THSD7B: variants seen among roughly 807,000 people sequenced by gnomAD.
THSD7B encodes the protein thrombospondin type-1 domain-containing protein 7B.
THSD7B carries 138 observed loss-of-function variants against 213.6 expected under a neutral mutation model. The observed-to-expected ratio is 0.65, with a 90% confidence interval of 0.56 to 0.74. THSD7B has a LOEUF of 0.74. Ranked by LOEUF, THSD7B falls within the 30% of genes least tolerant of loss-of-function variation. The pLI is 0.00. For synonymous variants in THSD7B, 742 were observed against 687.0 expected (o/e 1.08, Z -1.25); for missense variants, 1,931 against 1,991.5 (o/e 0.97, Z 0.58).
At chr2:137,149,724 C>T (rs967155975) in intron 5 of THSD7B, among the ~76,000 whole-genome samples, 1 of 152,092 alleles carries the variant, frequency 6.6e-6, no homozygotes, top group Non-Finnish European at 1.5e-5. Context: ...GCCTGTAGCC[C>T]CTTCATTTTG....
chr2:137,140,469 A>C (rs1679558607), intron 5 of THSD7B, among the ~76,000 whole-genome samples: 1 of 152,160 alleles, frequency 6.6e-6, no homozygotes. Flanking sequence ...GGATTTGTGC[A>C]TTCTAAATTT....
intron 2 of THSD7B, among the ~76,000 whole-genome samples, chr2:136,930,574 T>C (rs961034991): frequency 3.3e-5 from 5 of 152,300 alleles, no homozygotes; most frequent in South Asian, 2.1e-4. Context: ...CTGAAAGTGG[T>C]ACCCAGCTAG....
At position 137,130,376 on chromosome 2, in the gene THSD7B, T is replaced by A. The variant is rs371770380; in HGVS notation, c.1369+15083T>A. Among the ~76,000 whole-genome samples, 109 of 151,916 alleles carry A rather than the reference T, an allele frequency of 7.2e-4. 1 individual carries two copies. Among genetic ancestry groups the A allele is most frequent in the African/African-American group, 1.9e-3 (80 of 41,466 alleles). On this transcript the variant is annotated intron_variant, in intron 5 of 27. Transcript: ENST00000409968. ...CCTTACTTTTCCCAAGCCTCACCTT[T>A]TTATTATTATTATTATTATACTTTA...
chr2:137,397,659 CGAGGAG>C (rs1686228008), intron 12 of THSD7B, among the ~76,000 whole-genome samples: 3 of 151,314 alleles, frequency 2.0e-5, no homozygotes, highest in African/African-American at 7.3e-5. Flanking sequence ...TTGCTCTTCT[CGAGGAG>C]TATCTTTGTG....
chr2:137,020,952 C>G (rs1686433304), intron 2 of THSD7B, among the ~76,000 whole-genome samples: 1 of 152,140 alleles, frequency 6.6e-6, no homozygotes, highest in Non-Finnish European at 1.5e-5. Flanking sequence ...ATCCAGGAGA[C>G]AGCATCATGT....
intron 12 of THSD7B, among the ~76,000 whole-genome samples, chr2:137,380,496 C>A (rs769085812): frequency 6.6e-6 from 1 of 152,110 alleles, no homozygotes. Context: ...AACAATTGAA[C>A]TGCAATAGTT....
chr2:136,825,241 A>G (rs1026154811), intron 1 of THSD7B, among the ~76,000 whole-genome samples: 1 of 152,192 alleles, frequency 6.6e-6, no homozygotes, highest in African/African-American at 2.4e-5. Context: ...ACAAATTACC[A>G]CACATTTAAT....
intron 1 of THSD7B, among the ~76,000 whole-genome samples, chr2:136,780,461 G>T (rs1241422847): frequency 6.6e-6 from 1 of 152,172 alleles, no homozygotes. Flanking sequence ...TAATAGCTCT[G>T]TGTGCGTGTG....
At chr2:136,890,182 C>T (rs1683790212) in intron 2 of THSD7B, among the ~76,000 whole-genome samples, 1 of 151,790 alleles carries the variant, frequency 6.6e-6, no homozygotes, top group Non-Finnish European at 1.5e-5. Flanking sequence ...TTTTTTTATC[C>T]ATGAAGTCTG....
intron 2 of THSD7B, among the ~76,000 whole-genome samples, chr2:136,960,378 A>G (rs930166733): frequency 2.6e-5 from 4 of 152,062 alleles, no homozygotes; most frequent in East Asian, 1.9e-4. Flanking sequence ...GGCTTAAGCA[A>G]TCTTCCCACC....
At chr2:137,315,090 G>A (rs1322810593) in intron 12 of THSD7B, among the ~76,000 whole-genome samples, 1 of 152,306 alleles carries the variant, frequency 6.6e-6, no homozygotes, top group East Asian at 1.9e-4. Flanking sequence ...GCAATGGCGG[G>A]CGCCCCTCCC....
chr2:137,239,425 C>T (rs1434909237), intron 9 of THSD7B, among the ~76,000 whole-genome samples: 2 of 152,154 alleles, frequency 1.3e-5, no homozygotes, highest in Non-Finnish European at 1.5e-5. Flanking sequence ...CACCCACTTC[C>T]GTCCTCCTTC....
intron 5 of THSD7B, among the ~76,000 whole-genome samples, chr2:137,122,162 T>A (rs369296644): frequency 6.6e-6 from 1 of 152,208 alleles, no homozygotes; most frequent in East Asian, 1.9e-4. Context: ...TAGTTAAATA[T>A]ATCCCTCTGT....
intron 1 of THSD7B, among the ~76,000 whole-genome samples, chr2:136,874,358 C>T (rs954645353): frequency 5.3e-5 from 8 of 152,102 alleles, no homozygotes; most frequent in Non-Finnish European, 1.0e-4. Context: ...TATACAGCAA[C>T]GTATGGTAAA....
chr2:137,265,073 C>G (rs1573920681), intron 10 of THSD7B, among the ~76,000 whole-genome samples: 1 of 151,994 alleles, frequency 6.6e-6, no homozygotes. Flanking sequence ...TGAGAATATG[C>G]AGTGTTTGGT....
intron 19 of THSD7B, 142 bp from the exon 20 acceptor site, chr2:137,620,467 T>C: frequency 1.7e-6 from 1 of 593,372 alleles, no homozygotes; most frequent in Non-Finnish European, 2.9e-6. Context: ...GTCACCAATT[T>C]ATATAAGAAA....
At chr2:137,627,342 AAC>A (rs1204341209) in intron 20 of THSD7B, among the ~76,000 whole-genome samples, 1 of 152,198 alleles carries the variant, frequency 6.6e-6, no homozygotes, top group Admixed American at 6.5e-5. Context: ...GGTGGGCACA[AAC>A]CACATCCAAA....
intron 4 of THSD7B, among the ~76,000 whole-genome samples, chr2:137,096,837 T>C (rs1688048828): frequency 6.6e-6 from 1 of 152,184 alleles, no homozygotes; most frequent in African/African-American, 2.4e-5. Context: ...ATACTGCCTG[T>C]GTGGCAGGCT....
intron 5 of THSD7B, among the ~76,000 whole-genome samples, chr2:137,139,691 C>A (rs1009250563): frequency 1.1e-4 from 17 of 152,094 alleles, no homozygotes; most frequent in Non-Finnish European, 8.8e-5. Flanking sequence ...TCCAGACTGC[C>A]TTTTGATTGA....
Sources: gnomAD v4.1 joint callset for allele counts (sites outside exome capture counted in the v4.1 genomes callset) on GRCh38, gnomAD v4.1.1 for gene constraint, MANE v1.5 for transcripts, NCBI Gene and HGNC (gene_info 2026-07-23, HGNC 2026-07-21) for gene names.